Variants in PHF10 observed in about 807,000 individuals in gnomAD.
PHF10 encodes PHD finger protein 10, also known as BRG1-associated factor 45a.
In PHF10, 51 loss-of-function variants were observed where a neutral mutation model predicts 68.5. That is an observed-to-expected ratio of 0.74 (90% CI 0.59 to 0.94). PHF10 has a LOEUF of 0.94. Among genes scored for constraint, PHF10 ranks in the 40% least tolerant of loss-of-function variants. PHF10 has a pLI of 0.00. For synonymous variants in PHF10, 204 were observed against 203.5 expected (o/e 1.00, Z -0.02); for missense variants, 460 against 602.6 (o/e 0.76, Z 2.48).
chr6:169,703,927 G>C lies in PHF10; in HGVS notation c.*76C>G. The C allele has an allele frequency of 8.4e-7, 1 of 1,185,766 alleles. No homozygotes were observed. 73.5% of individuals were successfully genotyped at this position (1,185,766 alleles called of 1,614,324 possible). ...TAATTTGCAAAAAAAATCTTTTATT[G>C]GCATGAAAATAATGTTGTAAATGGC... On this transcript the variant is annotated 3_prime_UTR_variant, in exon 12 of 12. Transcript: ENST00000339209.
chr6:169,723,732 G>T, intron 1 of PHF10, 113 bp downstream of exon 1: 1 of 291,180 alleles, frequency 3.4e-6, no homozygotes, highest in Non-Finnish European at 5.4e-6. Context: ...GCGGCGCCCG[G>T]CCTGGGCCCA....
At chr6:169,720,976 A>T (rs1286251775) in intron 2 of PHF10, 29 bp downstream of exon 2, 1 of 1,243,694 alleles carries the variant, frequency 8.0e-7, no homozygotes, top group South Asian at 1.3e-5. Flanking sequence ...CATCACAAAA[A>T]ATATTAATAA....
intron 7 of PHF10, 74 bp from the exon 8 acceptor site, chr6:169,712,613 G>A: frequency 1.5e-6 from 2 of 1,327,100 alleles, no homozygotes; most frequent in Non-Finnish European, 2.1e-6. Flanking sequence ...GACCTATGAA[G>A]ATAGCCTTAA....
chr6:169,717,974 G>T, intron 3 of PHF10, 68 bp from the exon 4 acceptor site: 3 of 662,898 alleles, frequency 4.5e-6, no homozygotes, highest in South Asian at 4.7e-5. Context: ...ACTTTTAAAA[G>T]CTTAAAAACC....
rs777129167 is a variant in PHF10, at chr6:169,703,959, T to C, written c.*44A>G. 4 of 1,399,902 alleles carry C rather than the reference T, an allele frequency of 2.9e-6. No individual in the cohort carries two copies. The highest frequency in any genetic ancestry group is 1.8e-4 in the Middle Eastern group (1 of 5,666). 86.7% of individuals were successfully genotyped at this position (1,399,902 alleles called of 1,614,324 possible). On this transcript the variant is annotated 3_prime_UTR_variant, in exon 12 of 12. Coordinates refer to ENST00000339209, the MANE Select transcript of PHF10 (RefSeq NM_018288.4). ...AAATAATGTTGTAAATGGCACCAAA[T>C]ATTCCACTTAAATGCATATACAGTA...
intron 4 of PHF10, among the ~76,000 whole-genome samples, chr6:169,717,204 G>A (rs767854983): frequency 1.3e-5 from 2 of 152,062 alleles, no homozygotes; most frequent in African/African-American, 2.4e-5. Context: ...AGCTAAGATC[G>A]CGCCACTGCA....
At chr6:169,706,757 C>T (rs1427519294) in intron 9 of PHF10, among the ~76,000 whole-genome samples, 23 of 151,112 alleles carry the variant, frequency 1.5e-4, no homozygotes, top group African/African-American at 2.4e-4. Flanking sequence ...CACACACACA[C>T]ACACACACAC....
Position 169,710,457 on chromosome 6 carries a change from A to C in PHF10, c.958-66T>G, listed in dbSNP as rs1788903049. 3 of 1,081,742 alleles carry C rather than the reference A, an allele frequency of 2.8e-6. No individual in the cohort carries two copies. The Admixed American group carries it at 6.3e-5, about 23-fold the overall frequency. 67.0% of individuals were successfully genotyped at this position (1,081,742 alleles called of 1,614,324 possible). A position where few individuals can be genotyped will look rare whatever the true frequency, so the allele number is the denominator to read the frequency against. On this transcript the variant is annotated intron_variant, in intron 8 of 11. Coordinates refer to ENST00000339209, the MANE Select transcript of PHF10 (RefSeq NM_018288.4). Reference sequence around the variant, plus strand: ...AGACAAATTTGAGTCTGGATTTTGAAAACTATGGAAAATATTCAAAGAAAG... The same window carrying C: ...AGACAAATTTGAGTCTGGATTTTGACAACTATGGAAAATATTCAAAGAAAG...
chr6:169,718,750 C>T (rs770090281), intron 3 of PHF10, 38 bp downstream of exon 3: 23 of 1,138,408 alleles, frequency 2.0e-5, no homozygotes, highest in Middle Eastern at 3.0e-4. Context: ...TAAAGAATTA[C>T]TATCAATTAT....
intron 11 of PHF10, chr6:169,704,784 T>C (rs1488772255): frequency 5.3e-6 from 1 of 188,276 alleles, no homozygotes; most frequent in Non-Finnish European, 1.2e-5. Flanking sequence ...AATAGATTTC[T>C]ATAGAAATGT....
chr6:169,705,976 A>G (rs1305493065), intron 9 of PHF10, among the ~76,000 whole-genome samples: 1 of 152,224 alleles, frequency 6.6e-6, no homozygotes, highest in Non-Finnish European at 1.5e-5. Flanking sequence ...TACTCCCTAC[A>G]TGCACAGTAA....
At position 169,724,155 on chromosome 6, in the gene PHF10, C is replaced by CGGGAGGGCGCCAAAGGCT. The variant is rs1370707220; in HGVS notation, c.-242_-225dup. 1 of 142,112 alleles carries CGGGAGGGCGCCAAAGGCT rather than the reference C, an allele frequency of 7.0e-6. No individual in the cohort carries two copies. Among genetic ancestry groups the CGGGAGGGCGCCAAAGGCT allele is most frequent in the Non-Finnish European group, 1.5e-5 (1 of 64,964 alleles). 8.8% of individuals were successfully genotyped at this position (142,112 alleles called of 1,614,324 possible). ...GGCCGTCGCCAGCGCGCCGCCCGCG[C>CGGGAGGGCGCCAAAGGCT]GGGAGGGCGCCAAAGGCTGGGAGGG... On this transcript the variant is annotated 5_prime_UTR_variant, in exon 1 of 12. Coordinates refer to ENST00000339209, the MANE Select transcript of PHF10 (RefSeq NM_018288.4).
chr6:169,719,656 T>C (rs966469096), intron 2 of PHF10, among the ~76,000 whole-genome samples: 1 of 152,112 alleles, frequency 6.6e-6, no homozygotes, highest in Admixed American at 6.5e-5. Context: ...AGTATAAAAT[T>C]GGACCTTTAC....
intron 7 of PHF10, among the ~76,000 whole-genome samples, chr6:169,713,191 C>T (rs1343679383): frequency 6.6e-6 from 1 of 152,164 alleles, no homozygotes; most frequent in South Asian, 2.1e-4. Flanking sequence ...AGCCCCCATT[C>T]AGGAGGCAAC....
At chr6:169,709,533 AGGG>A (rs1372365448) in intron 9 of PHF10, 1 of 152,272 alleles carries the variant, frequency 6.6e-6, no homozygotes, top group East Asian at 1.9e-4. Flanking sequence ...AAGAAAAGGG[AGGG>A]GCAGACAGAG....
At chr6:169,722,848 AG>A (rs745405696) in intron 1 of PHF10, among the ~76,000 whole-genome samples, 54 of 152,218 alleles carry the variant, frequency 3.5e-4, no homozygotes, top group Admixed American at 1.2e-3. Context: ...TCAGGGGTCA[AG>A]AATGCACTCA....
chr6:169,710,384 G>A lies in PHF10; in HGVS notation c.965C>T (p.Ser322Phe). 6.2e-7 allele frequency: 1 copy of A among 1,611,552 alleles called. No individual in the cohort carries two copies. Among genetic ancestry groups the A allele is most frequent in the Non-Finnish European group, 8.5e-7 (1 of 1,177,764 alleles). Residue 322 changes from serine to phenylalanine, a missense_variant, in exon 9 of 12, where the codon TCC becomes TTC. Coordinates refer to ENST00000339209, the MANE Select transcript of PHF10 (RefSeq NM_018288.4). ...KRKNKGTSDS[S>F]SGNVSEGESP... ...TTCCCCTTCAGATACATTGCCAGAGGAGCTGTCCTGGAGTTTAAAAGGCAA... is the reference window on the plus strand; with the variant it reads ...TTCCCCTTCAGATACATTGCCAGAGAAGCTGTCCTGGAGTTTAAAAGGCAA...
intron 8 of PHF10, among the ~76,000 whole-genome samples, 190 bp from the exon 9 acceptor site, chr6:169,710,581 T>C (rs1481226923): frequency 1.3e-5 from 2 of 152,218 alleles, no homozygotes; most frequent in Non-Finnish European, 2.9e-5. Context: ...AAATCATTCC[T>C]CCTTCTTCTA....
At chr6:169,713,598 C>CAAAAAA (rs755248180) in intron 7 of PHF10, among the ~76,000 whole-genome samples, 1 of 76,680 alleles carries the variant, frequency 1.3e-5, no homozygotes. Context: ...GACTCCATCT[C>CAAAAAA]AAAAAAAAAA....
Sources: gnomAD v4.1 joint callset for allele counts (sites outside exome capture counted in the v4.1 genomes callset) on GRCh38, gnomAD v4.1.1 for gene constraint, MANE v1.5 for transcripts, NCBI Gene and HGNC (gene_info 2026-07-23, HGNC 2026-07-21) for gene names.